ARHGEF17: variants seen among roughly 807,000 people sequenced by gnomAD.
The protein encoded by ARHGEF17 is Rho guanine nucleotide exchange factor 17.
A neutral mutation model predicts 174.0 loss-of-function variants in ARHGEF17; 80 were observed. The ratio of observed to expected loss-of-function variants is 0.46; its 90% CI spans 0.38 to 0.55. The LOEUF (loss-of-function observed/expected upper bound fraction) is 0.55, where lower values mean the gene tolerates loss of function less well. Among genes scored for constraint, ARHGEF17 ranks in the 20% least tolerant of loss-of-function variants. ARHGEF17 has a pLI of 0.00. For synonymous variants in ARHGEF17, 1,311 were observed against 1,189.1 expected (o/e 1.10, Z -2.11); for missense variants, 2,886 against 2,839.7 (o/e 1.02, Z -0.37).
rs1254853073 is a variant in ARHGEF17 at position 73,310,807 on chromosome 11, C to T, written c.2169C>T (p.Ser723=). The change falls in exon 1 of 21, where the codon AGC becomes AGT. Residue 723 remains serine (S), a synonymous_variant. Transcript: ENST00000263674. ...PPSGSGGSEL[S]NGEAGEAYRS... is the part of the protein sequence containing the mutation. ...CAGGTTCTGGTGGGAGCGAATTGAG[C>T]AATGGGGAGGCAGGGGAGGCCTACA... The T allele has an allele frequency of 6.2e-7, 1 of 1,612,158 alleles. No homozygotes were observed. The highest frequency in any genetic ancestry group is 8.5e-7 in the Non-Finnish European group (1 of 1,179,654).
intron 12 of ARHGEF17, among the ~76,000 whole-genome samples, chr11:73,361,425 G>A (rs564048453): frequency 1.0e-3 from 153 of 152,318 alleles, no homozygotes; most frequent in Non-Finnish European, 1.8e-3. Context: ...TTATGTGCTT[G>A]TATGAGGCTG....
chr11:73,363,486 T>A (rs1865783931), intron 15 of ARHGEF17, 31 bp downstream of exon 15: 1 of 1,591,524 alleles, frequency 6.3e-7, no homozygotes, highest in African/African-American at 1.3e-5. Context: ...AGGGACACAG[T>A]GCCAGAACTC....
chr11:73,367,509 G>A, intron 20 of ARHGEF17, 75 bp from the exon 21 acceptor site: 1 of 1,302,768 alleles, frequency 7.7e-7, no homozygotes, highest in Non-Finnish European at 1.1e-6. Context: ...TCTGGGGTGT[G>A]GGAATTCAGG....
chr11:73,319,090 A>C (rs1229263707), intron 1 of ARHGEF17, among the ~76,000 whole-genome samples: 4 of 140,402 alleles, frequency 2.8e-5, no homozygotes, highest in African/African-American at 1.1e-4. Flanking sequence ...TTTGAGACAG[A>C]GTCTTGCTTT....
chr11:73,361,594 G>C (rs1358043830), intron 12 of ARHGEF17, among the ~76,000 whole-genome samples: 2 of 152,156 alleles, frequency 1.3e-5, no homozygotes, highest in Non-Finnish European at 2.9e-5. Flanking sequence ...AGGTGCGGTG[G>C]CTTACGTCTG....
At chr11:73,346,176 A>G (rs888529129) in intron 1 of ARHGEF17, among the ~76,000 whole-genome samples, 3 of 152,144 alleles carry the variant, frequency 2.0e-5, no homozygotes, top group African/African-American at 7.2e-5. Flanking sequence ...TCCCCTCCCT[A>G]ACATGAAGAG....
At chr11:73,314,887 C>G (rs1477175879) in intron 1 of ARHGEF17, among the ~76,000 whole-genome samples, 1 of 152,178 alleles carries the variant, frequency 6.6e-6, no homozygotes, top group Non-Finnish European at 1.5e-5. Flanking sequence ...GTCCCTGATA[C>G]CCGTTTGACA....
intron 1 of ARHGEF17, among the ~76,000 whole-genome samples, chr11:73,327,796 A>T (rs1865126482): frequency 6.6e-6 from 1 of 152,122 alleles, no homozygotes; most frequent in Admixed American, 6.5e-5. Context: ...CAAGTACTTG[A>T]TCTTACATTC....
chr11:73,354,375 A>C (rs1865601756), intron 3 of ARHGEF17, among the ~76,000 whole-genome samples: 1 of 152,068 alleles, frequency 6.6e-6, no homozygotes, highest in East Asian at 1.9e-4. Flanking sequence ...GCTTCTTCAC[A>C]CCCTGCCCTG....
Position 73,367,768 on chromosome 11 carries a change from G to A in ARHGEF17, c.6180G>A (p.Leu2060=). 6.2e-7 allele frequency: 1 copy of A among 1,612,490 alleles called. No individual in the cohort carries two copies. Among genetic ancestry groups the A allele is most frequent in the Non-Finnish European group, 8.5e-7 (1 of 1,179,012 alleles). Residue 2060 remains leucine, a synonymous_variant, in exon 21 of 21, where the codon CTG becomes CTA. Transcript: ENST00000263674. The part of the protein sequence containing the change: ...GRDDSTNHLL[L]WRV ...ACGACAGCACAAACCACCTCCTCCTGTGGAGGGTGTGACCCTGTCTGCCGT... is the reference window on the plus strand; with the variant it reads ...ACGACAGCACAAACCACCTCCTCCTATGGAGGGTGTGACCCTGTCTGCCGT...
chr11:73,346,260 A>G (rs1410854110), intron 1 of ARHGEF17, among the ~76,000 whole-genome samples: 1 of 152,214 alleles, frequency 6.6e-6, no homozygotes, highest in Non-Finnish European at 1.5e-5. Flanking sequence ...TGCCTGGCGC[A>G]TAGGAGGGCA....
At chr11:73,331,149 C>T (rs969027097) in intron 1 of ARHGEF17, among the ~76,000 whole-genome samples, 1 of 152,204 alleles carries the variant, frequency 6.6e-6, no homozygotes, top group African/African-American at 2.4e-5. Context: ...GAACCTAGTC[C>T]TGCCACTACC....
chr11:73,321,937 G>A (rs954238230), intron 1 of ARHGEF17, among the ~76,000 whole-genome samples: 2 of 152,178 alleles, frequency 1.3e-5, no homozygotes, highest in Non-Finnish European at 2.9e-5. Flanking sequence ...TTCCCAGGGG[G>A]TGAGCAGGCC....
Position 73,365,765 on chromosome 11 carries a change from C to T in ARHGEF17, c.5813C>T (p.Thr1938Ile), listed in dbSNP as rs1865826388. ...LVCEELLWVG[T>I]SAGVVLTMPT... ...TGTGAGGAGCTGCTGTGGGTGGGCA[C>T]CAGTGCTGGTGTCGTCCTCACCATG... The change falls in exon 20 of 21, where the codon ACC becomes ATC. Residue 1938 changes from threonine to isoleucine, a missense_variant. By Grantham distance (89) the Thr-to-Ile change is moderately conservative. Coordinates refer to ENST00000263674, the MANE Select transcript of ARHGEF17 (RefSeq NM_014786.4). This position sits in a 1 kb window ranked among gnomAD's most constrained non-coding sequence, Gnocchi z 4.9. The T allele has an allele frequency of 1.2e-6, 2 of 1,613,724 alleles. No homozygotes were observed. Among genetic ancestry groups the T allele is most frequent in the Non-Finnish European group, 1.7e-6 (2 of 1,180,036 alleles).
At chr11:73,359,702 G>A in intron 9 of ARHGEF17, 132 bp from the exon 10 acceptor site, 1 of 717,702 alleles carries the variant, frequency 1.4e-6, no homozygotes, top group Non-Finnish European at 2.2e-6. Flanking sequence ...AGAGCTTGGG[G>A]TTTCTATGCT....
chr11:73,313,653 T>G (rs1213176647), intron 1 of ARHGEF17, among the ~76,000 whole-genome samples: 2 of 152,332 alleles, frequency 1.3e-5, no homozygotes, highest in East Asian at 1.9e-4. Flanking sequence ...TCTCCAAGCT[T>G]TTGCCCACTC....
At chr11:73,340,440 C>T (rs778097543) in intron 1 of ARHGEF17, among the ~76,000 whole-genome samples, 1 of 152,162 alleles carries the variant, frequency 6.6e-6, no homozygotes, top group Non-Finnish European at 1.5e-5. Flanking sequence ...GAATACTTTC[C>T]CCTGAAGCAG....
chr11:73,329,231 T>C (rs1402460573), intron 1 of ARHGEF17, among the ~76,000 whole-genome samples: 1 of 148,032 alleles, frequency 6.8e-6, no homozygotes, highest in Non-Finnish European at 1.5e-5. Flanking sequence ...GTTCCCTTCC[T>C]GCACACAGAT....
chr11:73,338,427 C>T (rs998940863), intron 1 of ARHGEF17, among the ~76,000 whole-genome samples: 1 of 152,286 alleles, frequency 6.6e-6, no homozygotes, highest in African/African-American at 2.4e-5. Flanking sequence ...CAGCGGCTGT[C>T]AGGGAAATGG....
Sources: gnomAD v4.1 joint callset for allele counts (sites outside exome capture counted in the v4.1 genomes callset) on GRCh38, gnomAD v4.1.1 for gene constraint, Gnocchi (gnomAD v3.1) non-coding constraint, MANE v1.5 for transcripts, NCBI Gene and HGNC (gene_info 2026-07-23, HGNC 2026-07-21) for gene names.